The following UNC79 variants were observed in gnomAD, a reference collection of about 807,000 sequenced individuals.
The protein encoded by UNC79 is unc-79 subunit of NALCN channel complex.
Under a neutral mutation model 283.1 loss-of-function variants are expected in UNC79, and 37 were observed. That is an observed-to-expected ratio of 0.13 (90% CI 0.10 to 0.17). The LOEUF is 0.17. Ranked by LOEUF, UNC79 falls within the 10% of genes least tolerant of loss-of-function variation. The pLI, the probability that UNC79 is intolerant of heterozygous loss-of-function variation, is 1.00. For synonymous variants in UNC79, 1,107 were observed against 1,200.2 expected (o/e 0.92, Z 1.61); for missense variants, 2,272 against 3,211.1 (o/e 0.71, Z 7.07).
intron 7 of UNC79, among the ~76,000 whole-genome samples, chr14:93,504,844 G>A (rs767244242): frequency 1.3e-5 from 2 of 151,904 alleles, no homozygotes; most frequent in African/African-American, 2.4e-5. Flanking sequence ...AGCCTTTTAT[G>A]TCTTCTTGCC....
At position 93,474,826 on chromosome 14, in the gene UNC79, AT is replaced by A. The variant is rs1451203017; in HGVS notation, c.448+439del. The stretch of plus-strand genomic sequence containing the variant: ...TGAGGGAGCAAATTCTCTAGGACCC[AT>A]TTTTTCCTGTCTCTTTAATAAAGTC... On this transcript the variant is annotated intron_variant, in intron 3 of 48. Transcript: ENST00000555664. The surrounding 1 kb of genome is among the most constrained non-coding windows in gnomAD (Gnocchi z 4.1). Among the ~76,000 whole-genome samples the A allele has an allele frequency of 2.0e-5, 3 of 152,154 alleles. No individual in the cohort carries two copies. The highest frequency in any genetic ancestry group is 2.9e-5 in the Non-Finnish European group (2 of 68,028).
rs547898422 is a variant in UNC79, at chr14:93,657,914, A to G, written c.6457-1279A>G. 9.2e-3 allele frequency among the ~76,000 whole-genome samples: 1,400 copies of G among 152,268 alleles called. 12 individuals are homozygous for G. The highest frequency in any genetic ancestry group is 0.023 in the South Asian group (110 of 4,828). On this transcript the variant is annotated intron_variant, in intron 38 of 48. Transcript: ENST00000555664. The stretch of plus-strand genomic sequence containing the variant: ...CGCCTGCCAATTGTTGTTCTGTGGG[A>G]GCGCAGGCTTCTGGTTGTCTGTCTT...
intron 40 of UNC79, among the ~76,000 whole-genome samples, chr14:93,665,995 TAGTC>T (rs2072161022): frequency 2.0e-5 from 3 of 152,020 alleles, no homozygotes; most frequent in Non-Finnish European, 4.4e-5. Flanking sequence ...ATAATAATGT[TAGTC>T]AGATAGGCAT....
intron 31 of UNC79, among the ~76,000 whole-genome samples, chr14:93,631,714 C>A (rs971197589): frequency 6.6e-5 from 10 of 152,162 alleles, no homozygotes; most frequent in Non-Finnish European, 1.5e-4. Context: ...CCTGAAAAAA[C>A]AGATAAAGAT....
At chr14:93,540,394 T>G (rs886661074) in intron 12 of UNC79, among the ~76,000 whole-genome samples, 7 of 152,196 alleles carry the variant, frequency 4.6e-5, no homozygotes, top group Non-Finnish European at 1.0e-4. Context: ...TGCTTGATGC[T>G]AATTGATTGG....
intron 14 of UNC79, among the ~76,000 whole-genome samples, chr14:93,561,557 G>A (rs896461871): frequency 4.6e-5 from 7 of 152,116 alleles, no homozygotes; most frequent in South Asian, 2.1e-4. Flanking sequence ...GCAATTGCTC[G>A]CTAAGGAGGG....
chr14:93,491,774 A>G (rs1375169784), intron 5 of UNC79, among the ~76,000 whole-genome samples: 1 of 152,202 alleles, frequency 6.6e-6, no homozygotes, highest in Admixed American at 6.5e-5. Context: ...TTTCACTGGA[A>G]AACTACTGTG....
chr14:93,497,961 G>A (rs553722402), intron 7 of UNC79, among the ~76,000 whole-genome samples: 1 of 151,954 alleles, frequency 6.6e-6, no homozygotes, highest in East Asian at 1.9e-4. Flanking sequence ...TCTCCAGCCT[G>A]GCTACAGAGC....
At chr14:93,518,283 A>G (rs1356410926) in intron 7 of UNC79, among the ~76,000 whole-genome samples, 1 of 151,752 alleles carries the variant, frequency 6.6e-6, no homozygotes, top group African/African-American at 2.4e-5. Context: ...TTTAATAGTT[A>G]TGGGTTTTTT....
chr14:93,619,790 C>T (rs1046016773), intron 29 of UNC79, among the ~76,000 whole-genome samples: 1 of 152,116 alleles, frequency 6.6e-6, no homozygotes, highest in African/African-American at 2.4e-5. Flanking sequence ...ATAATCGCAC[C>T]TGAGCCTCAT....
At chr14:93,572,451 A>C (rs1354415377) in intron 15 of UNC79, among the ~76,000 whole-genome samples, 1 of 152,220 alleles carries the variant, frequency 6.6e-6, no homozygotes, top group Admixed American at 6.5e-5. Flanking sequence ...CCTTCTGTTA[A>C]ACCTAATATG....
chr14:93,641,111 A>G (rs748789626), intron 32 of UNC79, 34 bp from the exon 36 acceptor site: 22 of 1,592,920 alleles, frequency 1.4e-5, no homozygotes, highest in Middle Eastern at 1.7e-4. Flanking sequence ...AAGCTCATCT[A>G]TATTCACTGG....
chr14:93,544,304 T>C (rs574771272), intron 14 of UNC79, among the ~76,000 whole-genome samples: 1 of 152,166 alleles, frequency 6.6e-6, no homozygotes, highest in African/African-American at 2.4e-5. Context: ...ATATCAAACT[T>C]AACAAAAGGT....
intron 34 of UNC79, among the ~76,000 whole-genome samples, chr14:93,644,807 A>C (rs998370283): frequency 6.6e-6 from 1 of 152,214 alleles, no homozygotes; most frequent in African/African-American, 2.4e-5. Context: ...CCAAAAGTGT[A>C]TGGCTTTCTT....
At chr14:93,357,748 G>GATATAT (rs2054124802) in intron 1 of UNC79, among the ~76,000 whole-genome samples, 1 of 73,196 alleles carries the variant, frequency 1.4e-5, no homozygotes, top group African/African-American at 4.3e-5. Flanking sequence ...TATATATATG[G>GATATAT]ATATATGGAT....
At chr14:93,667,941 A>T (rs1009477364) in intron 40 of UNC79, among the ~76,000 whole-genome samples, 1 of 152,304 alleles carries the variant, frequency 6.6e-6, no homozygotes, top group African/African-American at 2.4e-5. Flanking sequence ...CAAGAAAATA[A>T]TTTTTTGTAA....
At chr14:93,426,131 T>C (rs1269306421), upstream of UNC79, among the ~76,000 whole-genome samples, 1 of 152,158 alleles carries the variant, frequency 6.6e-6, no homozygotes, top group Admixed American at 6.5e-5. Flanking sequence ...CTTTTTAGTA[T>C]GGTAAAGATG....
intron 19 of UNC79, 53 bp from the exon 20 acceptor site, chr14:93,582,150 T>G: frequency 6.2e-7 from 1 of 1,613,386 alleles, no homozygotes; most frequent in Non-Finnish European, 8.5e-7. Context: ...AGCAAACCGT[T>G]CCTGACACCC....
chr14:93,625,963 C>T (rs866654588), intron 30 of UNC79, among the ~76,000 whole-genome samples: 1 of 152,170 alleles, frequency 6.6e-6, no homozygotes, highest in African/African-American at 2.4e-5. Context: ...TGGTCAGCAA[C>T]AGCACATGGG....
Sources: allele counts gnomAD v4.1 joint callset (sites outside exome capture counted in the v4.1 genomes callset), GRCh38; gene constraint gnomAD v4.1.1; non-coding constraint Gnocchi (gnomAD v3.1); transcripts MANE v1.5; gene names NCBI Gene and HGNC (gene_info 2026-07-23, HGNC 2026-07-21).